FAM210B: variants seen among roughly 807,000 people sequenced by gnomAD.
The protein encoded by FAM210B is family with sequence similarity 210 member B.
A neutral mutation model predicts 14.9 loss-of-function variants in FAM210B; 11 were observed. That is an observed-to-expected ratio of 0.74 (90% CI 0.46 to 1.22). The LOEUF is 1.22. Ranked by LOEUF, FAM210B falls within the 50% of genes most tolerant of loss-of-function variation. The pLI, the probability that FAM210B is intolerant of heterozygous loss-of-function variation, is 0.00. For synonymous variants in FAM210B, 113 were observed against 110.2 expected, an observed-to-expected ratio of 1.03 and a Z score of -0.16; for missense variants, 229 against 250.1, an observed-to-expected ratio of 0.92 and a Z score of 0.57.
rs1033080208 is a variant in FAM210B at position 56,363,111 on chromosome 20, G to A, written c.187-1976G>A. 1.3e-5 allele frequency among the ~76,000 whole-genome samples: 2 copies of A among 152,212 alleles called. No individual in the cohort carries two copies. The highest frequency in any genetic ancestry group is 2.4e-5 in the African/African-American group (1 of 41,454). On this transcript the variant is annotated intron_variant, in intron 1 of 2. Transcript: ENST00000371384. This position sits in a 1 kb window ranked among gnomAD's most constrained non-coding sequence, Gnocchi z 4.1. ...CACATGTGCTGGCCAAAGAAAGGGG[G>A]GCTGATGACATCTTCCCTCCTCCCC...
rs1655134274 is a variant in FAM210B at position 56,367,062 on chromosome 20, A to G, written c.*775A>G. 6.6e-6 allele frequency: 1 copy of G among 152,578 alleles called. No individual in the cohort carries two copies. The highest frequency in any genetic ancestry group is 2.4e-5 in the African/African-American group (1 of 41,428). The allele number at this position is 152,578 out of a possible 1,614,324, so 9.5% of individuals were successfully genotyped here. On this transcript the variant is annotated 3_prime_UTR_variant, in exon 3 of 3. Coordinates refer to ENST00000371384, the MANE Select transcript of FAM210B (RefSeq NM_080821.3). ...TCGGATACCACAAACAGCTAAGACAATCTCAGCTTTTCTTAGACAATCTTC... is the reference window on the plus strand; with the variant it reads ...TCGGATACCACAAACAGCTAAGACAGTCTCAGCTTTTCTTAGACAATCTTC...
chr20:56,360,061 G>A (rs1983501220), intron 1 of FAM210B: 1 of 388,284 alleles, frequency 2.6e-6, no homozygotes, highest in South Asian at 1.9e-5. Flanking sequence ...GCGGAGTGCC[G>A]CCGGCCCAGC....
chr20:56,366,050 T>G (rs1330115624), intron 2 of FAM210B, 21 bp from the exon 3 acceptor site: 10 of 1,584,952 alleles, frequency 6.3e-6, no homozygotes, highest in Non-Finnish European at 8.6e-6. Context: ...ATAATTGTTT[T>G]CTTTGCTTCT....
chr20:56,361,314 G>A (rs879707746), intron 1 of FAM210B, among the ~76,000 whole-genome samples: 1 of 152,128 alleles, frequency 6.6e-6, no homozygotes, highest in Non-Finnish European at 1.5e-5. Context: ...TATGGCACTT[G>A]TCACAGGTAG....
chr20:56,362,405 C>CA lies in FAM210B; in HGVS notation c.187-2682_187-2681insA, dbSNP rs1983552680. On this transcript the variant is annotated intron_variant, in intron 1 of 2. Coordinates refer to ENST00000371384, the MANE Select transcript of FAM210B (RefSeq NM_080821.3). This position sits in a 1 kb window ranked among gnomAD's most constrained non-coding sequence, Gnocchi z 4.8. ...ACAGACAGAAGATGTGTCACGCCGTCCTGTGCATTCAGGACAGTGCCTAAC... is the reference window on the plus strand; with the variant it reads ...ACAGACAGAAGATGTGTCACGCCGTCACTGTGCATTCAGGACAGTGCCTAAC... 2.6e-5 allele frequency among the ~76,000 whole-genome samples: 4 copies of CA among 152,164 alleles called. No individual in the cohort carries two copies. Among genetic ancestry groups the CA allele is most frequent in the Admixed American group, 1.3e-4 (2 of 15,282 alleles).
In FAM210B at chr20:56,359,965, C is replaced by T. The variant is rs1600662274; in HGVS notation, c.186+774C>T. 6.6e-6 allele frequency among the ~76,000 whole-genome samples: 1 copy of T among 152,296 alleles called. No homozygotes were observed. Among genetic ancestry groups the T allele is most frequent in the Non-Finnish European group, 1.5e-5 (1 of 68,018 alleles). On this transcript the variant is annotated intron_variant, in intron 1 of 2. Transcript: ENST00000371384. The surrounding 1 kb of genome is among the most constrained non-coding windows in gnomAD (Gnocchi z 4.3). ...AGACCGAGTCCTGAAGGCTTTTGAG[C>T]TTGTTTTCTGACCTTTAGAGGGCCA...
chr20:56,366,247 G>A lies in FAM210B; in HGVS notation c.539G>A (p.Arg180Gln), dbSNP rs748008152. The change falls in exon 3 of 3, where the codon CGA (arginine) becomes CAA (glutamine). Residue 180 changes from arginine (R) to glutamine (Q), a missense_variant. Arg to Gln is a conservative substitution (Grantham distance 43, BLOSUM62 1). Coordinates refer to ENST00000371384, the MANE Select transcript of FAM210B (RefSeq NM_080821.3). ...GTGCCCTTGATTGTCAGATATTTTC[G>A]AAAAGTGGGATTTTTTAAACCTCCA... The part of the protein sequence containing the change: ...VSVPLIVRYF[R>Q]KVGFFKPPAA... The A allele has an allele frequency of 1.8e-5, 29 of 1,614,082 alleles. No homozygotes were observed. The highest frequency in any genetic ancestry group is 1.1e-4 in the East Asian group (5 of 44,872).
At position 56,368,329 on chromosome 20, in the gene FAM210B, C is replaced by CAAAAAAAAAAAAAAAA. The variant is rs148519468; in HGVS notation, c.*2055_*2056insAAAAAAAAAAAAAAAA. 1 of 94,004 alleles carries CAAAAAAAAAAAAAAAA rather than the reference C, an allele frequency of 1.1e-5. No homozygotes were observed. The allele number at this position is 94,004 out of a possible 1,614,324, so 5.8% of individuals were successfully genotyped here. A position where few individuals can be genotyped will look rare whatever the true frequency, so the allele number is the denominator to read the frequency against. The stretch of plus-strand genomic sequence containing the variant: ...ATTTATGTCCCTAGTAATGCCTATG[C>CAAAAAAAAAAAAAAAA]AAAAAAAAAAAAAGAAAAAAAAGAA... On this transcript the variant is annotated 3_prime_UTR_variant, in exon 3 of 3. Coordinates refer to ENST00000371384, the MANE Select transcript of FAM210B (RefSeq NM_080821.3).
In FAM210B at chr20:56,359,664, A is replaced by C. The variant is rs1460656246; in HGVS notation, c.186+473A>C. On this transcript the variant is annotated intron_variant, in intron 1 of 2. Transcript: ENST00000371384. The surrounding 1 kb of genome is among the most constrained non-coding windows in gnomAD (Gnocchi z 4.3). The stretch of plus-strand genomic sequence containing the variant: ...CAAGAAACCCACAGTGCTGTTTGTT[A>C]TGTTTCATTTCCGTCACTTTCCATT... Among the ~76,000 whole-genome samples, 1 of 152,212 alleles carries C rather than the reference A, an allele frequency of 6.6e-6. No individual in the cohort carries two copies. The highest frequency in any genetic ancestry group is 1.5e-5 in the Non-Finnish European group (1 of 68,030).
At chr20:56,360,064 G>C (rs1431445659) in intron 1 of FAM210B, 2 of 389,926 alleles carry the variant, frequency 5.1e-6, no homozygotes, top group African/African-American at 4.1e-5. Context: ...GAGTGCCGCC[G>C]GCCCAGCGAA....
In FAM210B at chr20:56,366,616, C is replaced by T; in HGVS notation, c.*329C>T. 4.3e-6 allele frequency: 1 copy of T among 232,552 alleles called. No individual in the cohort carries two copies. Among genetic ancestry groups the T allele is most frequent in the South Asian group, 7.0e-5 (1 of 14,320 alleles). The allele number at this position is 232,552 out of a possible 1,614,324, so 14.4% of individuals were successfully genotyped here. On this transcript the variant is annotated 3_prime_UTR_variant, in exon 3 of 3. Transcript: ENST00000371384. ...TTTGGCGAGGGTCTGTGGGTAAAAG[C>T]ACCAGGGGGTTAATCTTGGCTCAGT...
chr20:56,366,317 C>T lies in FAM210B; in HGVS notation c.*30C>T. 1 of 1,595,420 alleles carries T rather than the reference C, an allele frequency of 6.3e-7. No homozygotes were observed. The highest frequency in any genetic ancestry group is 8.6e-7 in the Non-Finnish European group (1 of 1,163,714). On this transcript the variant is annotated 3_prime_UTR_variant, in exon 3 of 3. Transcript: ENST00000371384. Reference sequence around the variant, plus strand: ...CTCTTCAGTCGTACACACTGAAAACCTATTTCTTCTAAATTACATGATTTG... The same window carrying T: ...CTCTTCAGTCGTACACACTGAAAACTTATTTCTTCTAAATTACATGATTTG...
intron 1 of FAM210B, 57 bp from the exon 2 acceptor site, chr20:56,365,030 G>C: frequency 1.3e-6 from 2 of 1,535,512 alleles, no homozygotes; most frequent in Admixed American, 4.2e-5. Flanking sequence ...TATAAAAGCC[G>C]GTAATGACTG....
At chr20:56,365,341 G>C in intron 2 of FAM210B, 79 bp downstream of exon 2, 22 of 1,502,802 alleles carry the variant, frequency 1.5e-5, no homozygotes, top group Non-Finnish European at 2.0e-5. Flanking sequence ...TGTTTGCTAA[G>C]ACTTTTTTTT....
Position 56,359,067 on chromosome 20 carries a change from G to A in FAM210B, c.62G>A (p.Arg21His), listed in dbSNP as rs1212498446. The change falls in exon 1 of 3, where the codon CGC becomes CAC. Residue 21 changes from arginine to histidine, a missense_variant. Physicochemically the swap from Arg to His is conservative, Grantham distance 29 (BLOSUM62 0). Transcript: ENST00000371384. This position sits in a 1 kb window ranked among gnomAD's most constrained non-coding sequence, Gnocchi z 4.3. The stretch of plus-strand genomic sequence containing the variant: ...AGGGTGGGCGCCCGGGTCCGGCCTC[G>A]CGCCACCTGGCTCCTGGGCGCCACC... ...AGRVGARVRPRATWLLGATAP... is the reference protein window; with the variant it reads ...AGRVGARVRPHATWLLGATAP... 3.3e-5 allele frequency: 45 copies of A among 1,355,218 alleles called. No homozygotes were observed. The highest frequency in any genetic ancestry group is 4.0e-5 in the Non-Finnish European group (42 of 1,049,264). 83.9% of individuals were successfully genotyped at this position (1,355,218 alleles called of 1,614,324 possible). A position where few individuals can be genotyped will look rare whatever the true frequency, so the allele number is the denominator to read the frequency against.
rs903047348 is a variant in FAM210B at position 56,361,143 on chromosome 20, C to T, written c.186+1952C>T. On this transcript the variant is annotated intron_variant, in intron 1 of 2. Coordinates refer to ENST00000371384, the MANE Select transcript of FAM210B (RefSeq NM_080821.3). ...CTGTGCCACTTATTCCTTCCAGGGA[C>T]GTAGGGGGAGTTCAGGCAGATGACT... 2.6e-5 allele frequency among the ~76,000 whole-genome samples: 4 copies of T among 152,286 alleles called. No individual in the cohort carries two copies. The East Asian group carries it at 7.7e-4, about 29-fold the overall frequency.
chr20:56,359,569 C>A lies in FAM210B; in HGVS notation c.186+378C>A, dbSNP rs1009508843. 3.9e-5 allele frequency among the ~76,000 whole-genome samples: 6 copies of A among 152,308 alleles called. No homozygotes were observed. Among genetic ancestry groups the A allele is most frequent in the East Asian group, 1.9e-4 (1 of 5,178 alleles). ...GCTGGGTCTCGCTGTGTTTTGAACA[C>A]CTCCCGACGCTCGCTGCTCCTCCCT... On this transcript the variant is annotated intron_variant, in intron 1 of 2. Coordinates refer to ENST00000371384, the MANE Select transcript of FAM210B (RefSeq NM_080821.3). The surrounding 1 kb of genome is among the most constrained non-coding windows in gnomAD (Gnocchi z 4.3).
intron 2 of FAM210B, 145 bp from the exon 3 acceptor site, chr20:56,365,926 G>A: frequency 1.8e-6 from 1 of 559,590 alleles, no homozygotes; most frequent in South Asian, 2.4e-5. Flanking sequence ...TTACAGGCGT[G>A]AGCCACTGCA....
chr20:56,365,359 G>A (rs1351288585), intron 2 of FAM210B, 97 bp downstream of exon 2: 20 of 1,349,428 alleles, frequency 1.5e-5, no homozygotes, highest in Non-Finnish European at 1.9e-5. Flanking sequence ...TTTTAAGACA[G>A]GGTCTCACTC....
Sources: gnomAD v4.1 joint callset for allele counts (sites outside exome capture counted in the v4.1 genomes callset) on GRCh38, gnomAD v4.1.1 for gene constraint, Gnocchi (gnomAD v3.1) non-coding constraint, MANE v1.5 for transcripts, NCBI Gene and HGNC (gene_info 2026-07-23, HGNC 2026-07-21) for gene names.